The following PREX2 variants were observed in gnomAD, a reference collection of about 807,000 sequenced individuals.
The protein encoded by PREX2 is phosphatidylinositol 3,4,5-trisphosphate-dependent Rac exchanger 2 protein.
A neutral mutation model predicts 203.2 loss-of-function variants in PREX2; 107 were observed. That is an observed-to-expected ratio of 0.53 (90% CI 0.45 to 0.62). The LOEUF is 0.62. Among genes scored for constraint, PREX2 ranks in the 20% least tolerant of loss-of-function variants. The pLI is 0.00. For synonymous variants in PREX2, 672 were observed against 663.6 expected (o/e 1.01, Z -0.19); for missense variants, 1,777 against 1,955.9 (o/e 0.91, Z 1.72).
intron 34 of PREX2, 124 bp from the exon 35 acceptor site, chr8:68,157,198 T>A (rs758208986): frequency 4.2e-6 from 2 of 471,362 alleles, no homozygotes; most frequent in Non-Finnish European, 7.7e-6. Context: ...AACATAGTTT[T>A]TTTGCATATA....
chr8:68,007,340 A>G (rs1203850923), intron 1 of PREX2, among the ~76,000 whole-genome samples: 1 of 152,246 alleles, frequency 6.6e-6, no homozygotes, highest in Non-Finnish European at 1.5e-5. Context: ...TAAATTATAA[A>G]TAAAAAGTCA....
chr8:68,144,052 T>C (rs1389465256), intron 33 of PREX2, among the ~76,000 whole-genome samples: 1 of 152,204 alleles, frequency 6.6e-6, no homozygotes, highest in Non-Finnish European at 1.5e-5. Context: ...GATCTATTTG[T>C]CTGCTCTTTG....
intron 37 of PREX2, among the ~76,000 whole-genome samples, chr8:68,192,854 A>G (rs1812325597): frequency 6.6e-6 from 1 of 152,328 alleles, no homozygotes; most frequent in African/African-American, 2.4e-5. Flanking sequence ...AACTAGCTCA[A>G]CAAAACTGGT....
At chr8:68,180,895 A>G (rs1812072202) in intron 35 of PREX2, among the ~76,000 whole-genome samples, 1 of 151,962 alleles carries the variant, frequency 6.6e-6, no homozygotes, top group Non-Finnish European at 1.5e-5. Flanking sequence ...AAAGGAGAGG[A>G]GTTATTGGAC....
chr8:68,146,393 T>C, intron 34 of PREX2, 41 bp downstream of exon 34: 1 of 1,489,740 alleles, frequency 6.7e-7, no homozygotes, highest in Non-Finnish European at 9.1e-7. Flanking sequence ...ACTTTAATTA[T>C]TTTATCTTTA....
intron 37 of PREX2, among the ~76,000 whole-genome samples, chr8:68,204,223 AC>A (rs1218717195): frequency 6.6e-6 from 1 of 152,156 alleles, no homozygotes; most frequent in Non-Finnish European, 1.5e-5. Flanking sequence ...AATGCTCATT[AC>A]CCAACCCCAG....
chr8:68,139,299 G>T (rs1442812737), intron 33 of PREX2, among the ~76,000 whole-genome samples: 2 of 152,158 alleles, frequency 1.3e-5, no homozygotes, highest in African/African-American at 2.4e-5. Flanking sequence ...GCCCTGAAAA[G>T]GTTGAGGGAG....
At chr8:68,228,109 T>TC (rs1310926283) in intron 39 of PREX2, among the ~76,000 whole-genome samples, 1 of 152,006 alleles carries the variant, frequency 6.6e-6, no homozygotes, top group Admixed American at 6.6e-5. Flanking sequence ...CAAAGGACCT[T>TC]CCCCCTCCCA....
At chr8:68,194,241 T>C (rs1173756275) in intron 37 of PREX2, among the ~76,000 whole-genome samples, 3 of 152,122 alleles carry the variant, frequency 2.0e-5, no homozygotes, top group Non-Finnish European at 4.4e-5. Context: ...GGATACAGCA[T>C]TGAGAAAATA....
At chr8:68,118,426 C>G (rs1005726281) in intron 26 of PREX2, 124 bp from the exon 27 acceptor site, 5 of 588,040 alleles carry the variant, frequency 8.5e-6, no homozygotes, top group Admixed American at 3.0e-5. Context: ...ACAAGTTTAT[C>G]TTTCTCATAG....
At chr8:68,079,692 C>CA (rs370729233) in intron 15 of PREX2, among the ~76,000 whole-genome samples, 20 of 152,186 alleles carry the variant, frequency 1.3e-4, no homozygotes, top group African/African-American at 4.6e-4. Context: ...GTCAGGATCT[C>CA]ACTGAATACA....
chr8:68,024,835 A>G (rs1343520082), intron 4 of PREX2, among the ~76,000 whole-genome samples: 2 of 151,988 alleles, frequency 1.3e-5, no homozygotes, highest in South Asian at 2.1e-4. Flanking sequence ...AGGAACTACA[A>G]TATGCATCTT....
intron 25 of PREX2, among the ~76,000 whole-genome samples, chr8:68,110,453 A>G (rs558829310): frequency 6.6e-6 from 1 of 152,340 alleles, no homozygotes; most frequent in South Asian, 2.1e-4. Context: ...ACACTGCCTA[A>G]TATAGTGCTT....
intron 8 of PREX2, among the ~76,000 whole-genome samples, chr8:68,047,488 T>TATATATAC (rs1554570850): frequency 1.8e-5 from 2 of 110,392 alleles, no homozygotes; most frequent in African/African-American, 1.0e-4. Context: ...TATATATATA[T>TATATATAC]ATATATATAT....
intron 39 of PREX2, among the ~76,000 whole-genome samples, chr8:68,224,991 G>C (rs1203455066): frequency 3.9e-5 from 6 of 151,970 alleles, no homozygotes; most frequent in Non-Finnish European, 8.8e-5. Context: ...GTTTGTATGG[G>C]AAACTCCTAT....
intron 20 of PREX2, among the ~76,000 whole-genome samples, chr8:68,091,088 C>T (rs1809859931): frequency 1.3e-5 from 2 of 151,922 alleles, no homozygotes; most frequent in African/African-American, 4.8e-5. Context: ...ACTATAAATA[C>T]CTATATTCTT....
chr8:67,975,191 G>A (rs1022159567), intron 1 of PREX2, among the ~76,000 whole-genome samples: 1 of 151,474 alleles, frequency 6.6e-6, no homozygotes, highest in Non-Finnish European at 1.5e-5. Flanking sequence ...AAAGTTCATG[G>A]TCTCCTCTAG....
At chr8:68,098,974 A>ATATC (rs1554577021) in intron 22 of PREX2, among the ~76,000 whole-genome samples, 11 of 131,676 alleles carry the variant, frequency 8.4e-5, no homozygotes, top group Non-Finnish European at 1.3e-4. Flanking sequence ...ATATATATAT[A>ATATC]TATCTCACAT....
At chr8:68,105,004 T>C (rs1810365558) in intron 23 of PREX2, 2 of 574,938 alleles carry the variant, frequency 3.5e-6, no homozygotes, top group East Asian at 6.5e-5. Context: ...CCAAAGCAGA[T>C]TAATGAGTTC....
Sources: allele counts gnomAD v4.1 joint callset (sites outside exome capture counted in the v4.1 genomes callset), GRCh38; gene constraint gnomAD v4.1.1; transcripts MANE v1.5; gene names NCBI Gene and HGNC (gene_info 2026-07-23, HGNC 2026-07-21).